Variants in ANKIB1 observed in about 807,000 individuals in gnomAD.
ANKIB1 encodes ankyrin repeat and IBR domain containing 1, also known as ankyrin repeat and IBR domain-containing protein 1.
ANKIB1 carries 43 observed loss-of-function variants against 122.1 expected under a neutral mutation model. That is an observed-to-expected ratio of 0.35 (90% CI 0.28 to 0.45). The LOEUF (loss-of-function observed/expected upper bound fraction) is 0.45. ANKIB1 is among the 20% of genes least tolerant of loss of function. The pLI, the probability that ANKIB1 is intolerant of heterozygous loss-of-function variation, is 1.00. For missense variants in ANKIB1, 992 were observed against 1,329.5 expected (o/e 0.75, Z 3.95); for synonymous variants, 390 against 442.0 (o/e 0.88, Z 1.48).
chr7:92,373,267 T>C (rs554218540), intron 11 of ANKIB1, among the ~76,000 whole-genome samples: 5 of 152,332 alleles, frequency 3.3e-5, no homozygotes, highest in African/African-American at 1.2e-4. Context: ...AAATCTGATA[T>C]AGACTACATA....
intron 1 of ANKIB1, among the ~76,000 whole-genome samples, chr7:92,253,792 C>T (rs1202800015): frequency 6.6e-6 from 1 of 152,078 alleles, no homozygotes; most frequent in Admixed American, 6.6e-5. Context: ...CTGTACCTGC[C>T]TACCAGTGGT....
chr7:92,325,716 T>C (rs1481352773), intron 4 of ANKIB1, among the ~76,000 whole-genome samples: 3 of 151,892 alleles, frequency 2.0e-5, no homozygotes, highest in Non-Finnish European at 4.4e-5. Context: ...TAAAAACAAA[T>C]ACTTTCATAA....
intron 10 of ANKIB1, 58 bp from the exon 11 acceptor site, chr7:92,371,418 TC>T: frequency 1.4e-6 from 2 of 1,463,814 alleles, no homozygotes; most frequent in Non-Finnish European, 9.3e-7. Context: ...GGTTTTTTTT[TC>T]CCCCAGAAGT....
Position 92,307,629 on chromosome 7 carries a change from T to C in ANKIB1, c.459T>C (p.Ala153=). The C allele has an allele frequency of 6.2e-7, 1 of 1,606,876 alleles. No homozygotes were observed. ...NKKNTPLHYA[A]ASGMKACVEL... is the part of the protein sequence containing the mutation. ...AAAACACACCCTTGCACTATGCTGC[T>C]GCCTCAGGGATGAAAGCCTGTGTAG... Residue 153 remains alanine, a synonymous_variant, in exon 3 of 20, where the codon GCT becomes GCC. Coordinates refer to ENST00000265742, the MANE Select transcript of ANKIB1 (RefSeq NM_019004.2).
At chr7:92,272,855 C>A (rs1801825058) in intron 1 of ANKIB1, among the ~76,000 whole-genome samples, 3 of 152,102 alleles carry the variant, frequency 2.0e-5, no homozygotes, top group Admixed American at 2.0e-4. Context: ...CTGCTATACA[C>A]CCAGGTTATA....
intron 11 of ANKIB1, among the ~76,000 whole-genome samples, chr7:92,385,927 A>G (rs1282356956): frequency 6.6e-6 from 1 of 152,206 alleles, no homozygotes; most frequent in African/African-American, 2.4e-5. Context: ...ACCTGAAGAC[A>G]ACATAGAATG....
At chr7:92,263,804 G>T (rs774060425) in intron 1 of ANKIB1, among the ~76,000 whole-genome samples, 2 of 151,954 alleles carry the variant, frequency 1.3e-5, no homozygotes, top group Non-Finnish European at 2.9e-5. Flanking sequence ...GTTGCTTATG[G>T]GTATAATGAG....
chr7:92,366,601 C>T (rs550464230), intron 10 of ANKIB1, among the ~76,000 whole-genome samples: 141 of 152,290 alleles, frequency 9.3e-4, no homozygotes, highest in South Asian at 4.8e-3. Context: ...CTTTTGTCTC[C>T]TATCATGTTT....
intron 1 of ANKIB1, 139 bp downstream of exon 1, chr7:92,246,658 C>T (rs559212075): frequency 2.2e-5 from 10 of 448,278 alleles, no homozygotes; most frequent in African/African-American, 1.2e-4. Flanking sequence ...CATTGTTGTT[C>T]TGTCTGTCCC....
chr7:92,389,860 G>T, intron 14 of ANKIB1, 111 bp from the exon 15 acceptor site: 1 of 1,140,926 alleles, frequency 8.8e-7, no homozygotes, highest in Non-Finnish European at 1.2e-6. Flanking sequence ...AACAGTTTTT[G>T]TCCTAATGAT....
rs1035089436 is a variant in ANKIB1 at position 92,326,866 on chromosome 7, A to T, written c.670-917A>T. 1.3e-5 allele frequency among the ~76,000 whole-genome samples: 2 copies of T among 151,928 alleles called. 1 individual carries two copies. The highest frequency in any genetic ancestry group is 1.3e-4 in the Admixed American group (2 of 15,234). Reference sequence around the variant, plus strand: ...CCAGGCTAGACTGCAGTGGCTATTCACCGGCATGTTTATAGCACACTACAG... The same window carrying T: ...CCAGGCTAGACTGCAGTGGCTATTCTCCGGCATGTTTATAGCACACTACAG... On this transcript the variant is annotated intron_variant, in intron 4 of 19. Transcript: ENST00000265742.
At chr7:92,385,281 T>C (rs1489167637) in intron 11 of ANKIB1, among the ~76,000 whole-genome samples, 1 of 152,192 alleles carries the variant, frequency 6.6e-6, no homozygotes, top group Non-Finnish European at 1.5e-5. Context: ...ACACTGTTAG[T>C]GGGAGTGTAA....
intron 11 of ANKIB1, among the ~76,000 whole-genome samples, chr7:92,376,815 CTT>C (rs1002637486): frequency 6.6e-6 from 1 of 152,066 alleles, no homozygotes; most frequent in Non-Finnish European, 1.5e-5. Flanking sequence ...TGTTGGCTAA[CTT>C]TAAATTTTTC....
chr7:92,325,579 A>G lies in ANKIB1; in HGVS notation c.670-2204A>G, dbSNP rs1411836891. 3.9e-5 allele frequency among the ~76,000 whole-genome samples: 6 copies of G among 152,174 alleles called. No homozygotes were observed. The East Asian group carries it at 1.2e-3, about 29-fold the overall frequency. Reference sequence around the variant, plus strand: ...ATCCTTTCTCCCTGAACATCTAAACATCTTTTAAACTTTTAACAGTTACAG... The same window carrying G: ...ATCCTTTCTCCCTGAACATCTAAACGTCTTTTAAACTTTTAACAGTTACAG... On this transcript the variant is annotated intron_variant, in intron 4 of 19. Transcript: ENST00000265742.
chr7:92,352,441 T>C (rs1702794492), intron 8 of ANKIB1, 35 bp from the exon 9 acceptor site: 2 of 1,604,596 alleles, frequency 1.2e-6, no homozygotes, highest in South Asian at 2.2e-5. Flanking sequence ...CATTAAAATA[T>C]TTTCTTTTGT....
chr7:92,383,171 C>A (rs1804558452), intron 11 of ANKIB1, among the ~76,000 whole-genome samples: 1 of 152,112 alleles, frequency 6.6e-6, no homozygotes, highest in Non-Finnish European at 1.5e-5. Context: ...GACACATACA[C>A]CCTCCCAAGA....
intron 1 of ANKIB1, among the ~76,000 whole-genome samples, chr7:92,267,390 A>AT (rs1562765365): frequency 6.6e-6 from 1 of 152,172 alleles, no homozygotes. Context: ...TCCAGTAAAA[A>AT]TTATGTCTCC....
At chr7:92,394,330 A>G (rs1220476901) in intron 17 of ANKIB1, among the ~76,000 whole-genome samples, 4 of 152,192 alleles carry the variant, frequency 2.6e-5, no homozygotes, top group Admixed American at 6.5e-5. Flanking sequence ...TTTGGAGTAT[A>G]CTGACTAAAC....
Position 92,282,627 on chromosome 7 carries a change from A to G in ANKIB1, c.-90-12262A>G, listed in dbSNP as rs116300913. 1.6e-3 allele frequency among the ~76,000 whole-genome samples: 251 copies of G among 152,316 alleles called. 1 individual carries two copies. Among genetic ancestry groups the G allele is most frequent in the African/African-American group, 5.6e-3 (231 of 41,566 alleles). On this transcript the variant is annotated intron_variant, in intron 1 of 19. Transcript: ENST00000265742. ...ATGCCGAAGTTACTAAAATTACACT[A>G]TTTGCCAACAGCACCACAGTGTAAG...
Sources: allele counts gnomAD v4.1 joint callset (sites outside exome capture counted in the v4.1 genomes callset), GRCh38; gene constraint gnomAD v4.1.1; transcripts MANE v1.5; gene names NCBI Gene and HGNC (gene_info 2026-07-23, HGNC 2026-07-21).